The following KCNQ2 variants were observed in gnomAD, a reference collection of about 807,000 sequenced individuals.
KCNQ2 encodes the protein potassium voltage-gated channel subfamily Q member 2, also known as potassium voltage-gated channel subfamily KQT member 2.
A neutral mutation model predicts 84.8 loss-of-function variants in KCNQ2; 14 were observed. That is an observed-to-expected ratio of 0.17 (90% CI 0.11 to 0.26). The LOEUF is 0.26. Among genes scored for constraint, KCNQ2 ranks in the 10% least tolerant of loss-of-function variants. KCNQ2 has a pLI of 1.00. For synonymous variants in KCNQ2, 599 were observed against 554.1 expected, an observed-to-expected ratio of 1.08 and a Z score of -1.14; for missense variants, 788 against 1,254.0, an observed-to-expected ratio of 0.63 and a Z score of 5.61.
chr20:63,434,212 C>G, intron 7 of KCNQ2: 1 of 415,876 alleles, frequency 2.4e-6, no homozygotes, highest in Non-Finnish European at 4.3e-6. Flanking sequence ...ATGACTCTTA[C>G]CTGGCCCCTG....
intron 1 of KCNQ2, chr20:63,471,820 A>C: frequency 5.1e-6 from 1 of 197,380 alleles, no homozygotes; most frequent in Non-Finnish European, 9.9e-6. Context: ...GTCCAGACCC[A>C]GCGCTGCCGC....
intron 1 of KCNQ2, among the ~76,000 whole-genome samples, chr20:63,466,860 G>A (rs1276746010): frequency 8.5e-5 from 13 of 152,326 alleles, no homozygotes; most frequent in South Asian, 2.1e-4. Context: ...AGAGGGGAGC[G>A]GGGCTGCGTC....
chr20:63,424,974 G>A (rs3787119), intron 10 of KCNQ2, among the ~76,000 whole-genome samples: 2 of 152,104 alleles, frequency 1.3e-5, no homozygotes, highest in African/African-American at 4.8e-5. Context: ...CCGTGTTGCC[G>A]TGGAACATGG....
At chr20:63,415,595 G>A (rs897255521) in intron 12 of KCNQ2, among the ~76,000 whole-genome samples, 3 of 152,064 alleles carry the variant, frequency 2.0e-5, no homozygotes, top group Admixed American at 6.5e-5. Flanking sequence ...AAGCTCCCCC[G>A]GCTGGCTCAG....
rs538694189 is a variant in KCNQ2 at position 63,434,082 on chromosome 20, CT to C, written c.1024-180del. On this transcript the variant is annotated intron_variant, in intron 7 of 16. Transcript: ENST00000359125. ...ATCAGCCCCACAGCCTCAGTTTACCCTCTGTAGGACAGACAGGCAAGCCCGC... is the reference window on the plus strand; with the variant it reads ...ATCAGCCCCACAGCCTCAGTTTACCCCTGTAGGACAGACAGGCAAGCCCGC... The C allele has an allele frequency of 1.4e-4, 80 of 584,004 alleles. 1 individual carries two copies. The highest frequency in any genetic ancestry group is 1.3e-3 in the South Asian group (61 of 46,100). The allele number at this position is 584,004 out of a possible 1,614,324, so 36.2% of individuals were successfully genotyped here. A position where few individuals can be genotyped will look rare whatever the true frequency, so the allele number is the denominator to read the frequency against.
chr20:63,459,894 G>C (rs928703071), intron 1 of KCNQ2: 7 of 152,076 alleles, frequency 4.6e-5, no homozygotes, highest in African/African-American at 1.7e-4. Flanking sequence ...CTTTGGGTGG[G>C]GAGAGTTAAC....
intron 1 of KCNQ2, chr20:63,447,391 G>C (rs6011833): frequency 6.5e-6 from 1 of 154,826 alleles, no homozygotes; most frequent in Admixed American, 6.3e-5. Flanking sequence ...TTCCAGCCTC[G>C]TCCTGGCTGC....
At chr20:63,445,509 A>C (rs1600790291) in intron 2 of KCNQ2, 145 bp from the exon 3 acceptor site, 2 of 834,266 alleles carry the variant, frequency 2.4e-6, no homozygotes, top group Non-Finnish European at 1.9e-6. Flanking sequence ...TGACCCCCCC[A>C]CCCCTCTCCA....
At chr20:63,443,397 C>T (rs1600778640) in intron 4 of KCNQ2, among the ~76,000 whole-genome samples, 1 of 10,014 alleles carries the variant, frequency 1.0e-4, no homozygotes. Flanking sequence ...ACCACCATCA[C>T]CATCACCACC....
At chr20:63,435,114 C>T (rs111364825) in intron 7 of KCNQ2, among the ~76,000 whole-genome samples, 1 of 152,272 alleles carries the variant, frequency 6.6e-6, no homozygotes, top group African/African-American at 2.4e-5. Flanking sequence ...ACATGTCAGC[C>T]GCCCTGGCCT....
At position 63,408,196 on chromosome 20, in the gene KCNQ2, A is replaced by C. The variant is rs6011817; in HGVS notation, c.1887+217T>G. On this transcript the variant is annotated intron_variant, in intron 16 of 16. Transcript: ENST00000359125. This position sits in a 1 kb window ranked among gnomAD's most constrained non-coding sequence, Gnocchi z 5.0. ...CTCCTGGGGACTTTGGCCCTTGGGT[A>C]CTGTCAGGAGGGAAGGCACCCAGGC... 8.9e-4 allele frequency: 512 copies of C among 573,952 alleles called. 4 individuals carry two copies. In the African/African-American group the frequency reaches 9.1e-3, roughly 10 times the overall value. The allele number at this position is 573,952 out of a possible 1,614,324, so 35.6% of individuals were successfully genotyped here. A position where few individuals can be genotyped will look rare whatever the true frequency, so the allele number is the denominator to read the frequency against.
chr20:63,400,958 G>A lies in KCNQ2; in HGVS notation c.*5686C>T, dbSNP rs979444849. 48 of 397,798 alleles carry A rather than the reference G, an allele frequency of 1.2e-4. No homozygotes were observed. The highest frequency in any genetic ancestry group is 8.8e-4 in the African/African-American group (43 of 48,596). 24.6% of individuals were successfully genotyped at this position (397,798 alleles called of 1,614,324 possible). A position where few individuals can be genotyped will look rare whatever the true frequency, so the allele number is the denominator to read the frequency against. On this transcript the variant is annotated 3_prime_UTR_variant, in exon 17 of 17. Coordinates refer to ENST00000359125, the MANE Select transcript of KCNQ2 (RefSeq NM_172107.4). This position sits in a 1 kb window ranked among gnomAD's most constrained non-coding sequence, Gnocchi z 8.7. Reference sequence around the variant, plus strand: ...TCCTGTCCACATGCATTAAGGCAACGACTTTGTAAAACCCAGGCGGAGTTG... The same window carrying A: ...TCCTGTCCACATGCATTAAGGCAACAACTTTGTAAAACCCAGGCGGAGTTG...
At chr20:63,426,621 T>C (rs1385505731) in intron 10 of KCNQ2, among the ~76,000 whole-genome samples, 5 of 152,152 alleles carry the variant, frequency 3.3e-5, no homozygotes, top group African/African-American at 9.7e-5. Flanking sequence ...TTCCACACTT[T>C]GCTTGGAAAT....
intron 1 of KCNQ2, among the ~76,000 whole-genome samples, chr20:63,467,258 C>A (rs191728555): frequency 2.0e-4 from 31 of 152,330 alleles, no homozygotes; most frequent in African/African-American, 7.2e-4. Context: ...ACAGGTCCCC[C>A]TTGGTCCTCC....
At chr20:63,422,033 G>A (rs1253254878) in intron 11 of KCNQ2, among the ~76,000 whole-genome samples, 1 of 152,100 alleles carries the variant, frequency 6.6e-6, no homozygotes, top group African/African-American at 2.4e-5. Context: ...GGGTCCCTGT[G>A]TCCACACCAT....
rs2079858027 is a variant in KCNQ2, at chr20:63,403,764, CGTGT to C, written c.*2876_*2879del. ...CTGTATGCGGACATGTATGTGAGCA[CGTGT>C]GTGTGCCAGTGGGCACGTAGGGATG... On this transcript the variant is annotated 3_prime_UTR_variant, in exon 17 of 17. Transcript: ENST00000359125. 1 of 152,288 alleles carries C rather than the reference CGTGT, an allele frequency of 6.6e-6. No homozygotes were observed. The highest frequency in any genetic ancestry group is 1.5e-5 in the Non-Finnish European group (1 of 68,070). 9.4% of individuals were successfully genotyped at this position (152,288 alleles called of 1,614,324 possible). A position where few individuals can be genotyped will look rare whatever the true frequency, so the allele number is the denominator to read the frequency against.
At position 63,457,474 on chromosome 20, in the gene KCNQ2, C is replaced by T. The variant is rs567811126; in HGVS notation, c.297-10637G>A. On this transcript the variant is annotated intron_variant, in intron 1 of 16. Transcript: ENST00000359125. ...CCTGATGCTCACGGCCTCCAAACGG[C>T]CTGGGCCTGCCTATGCCCGCCTGCA... Among the ~76,000 whole-genome samples, 206 of 152,356 alleles carry T rather than the reference C, an allele frequency of 1.4e-3. 1 individual carries two copies. Among genetic ancestry groups the T allele is most frequent in the African/African-American group, 4.8e-3 (198 of 41,592 alleles).
rs1305562272 is a variant in KCNQ2 at position 63,425,345 on chromosome 20, G to A, written c.1218-1139C>T. Among the ~76,000 whole-genome samples, 9 of 151,886 alleles carry A rather than the reference G, an allele frequency of 5.9e-5. No homozygotes were observed. Among genetic ancestry groups the A allele is most frequent in the Non-Finnish European group, 1.2e-4 (8 of 67,998 alleles). On this transcript the variant is annotated intron_variant, in intron 10 of 16. Transcript: ENST00000359125. This position sits in a 1 kb window ranked among gnomAD's most constrained non-coding sequence, Gnocchi z 5.5. ...CCAAAATTCATGTCCATCTTACATC[G>A]AGAATACACTCACCCCTGCCAAGAT...
chr20:63,444,626 G>GC (rs368841579), intron 4 of KCNQ2, 33 bp downstream of exon 4: 1 of 1,494,884 alleles, frequency 6.7e-7, no homozygotes, highest in Admixed American at 2.1e-5. Context: ...CTGGCTGGGG[G>GC]CGCCCACCGC....
Sources: allele counts gnomAD v4.1 joint callset (sites outside exome capture counted in the v4.1 genomes callset), GRCh38; gene constraint gnomAD v4.1.1; non-coding constraint Gnocchi (gnomAD v3.1); transcripts MANE v1.5; gene names NCBI Gene and HGNC (gene_info 2026-07-23, HGNC 2026-07-21).